Variants in FGF20 observed in about 807,000 individuals in gnomAD.
The protein encoded by FGF20 is fibroblast growth factor 20.
Under a neutral mutation model 16.7 loss-of-function variants are expected in FGF20, and 8 were observed. That is an observed-to-expected ratio of 0.48 (90% CI 0.28 to 0.87). FGF20 has a LOEUF of 0.87. Among genes scored for constraint, FGF20 ranks in the 40% least tolerant of loss-of-function variants. The pLI is 0.10. For missense variants in FGF20, 397 were observed against 281.4 expected, an observed-to-expected ratio of 1.41 and a Z score of -2.94; for synonymous variants, 161 against 118.6, an observed-to-expected ratio of 1.36 and a Z score of -2.32.
At chr8:17,001,246 C>G (rs1810173364) in intron 1 of FGF20, among the ~76,000 whole-genome samples, 1 of 152,186 alleles carries the variant, frequency 6.6e-6, no homozygotes, top group Non-Finnish European at 1.5e-5. Context: ...GCATAATCAG[C>G]TGCATAACTG....
chr8:17,001,647 C>T (rs1331995205), intron 1 of FGF20, 100 bp downstream of exon 1: 9 of 1,325,784 alleles, frequency 6.8e-6, no homozygotes, highest in African/African-American at 3.0e-5. Flanking sequence ...CTCCGCGCGG[C>T]GATGACGCCC....
chr8:16,993,764 C>T (rs549256405), intron 2 of FGF20, among the ~76,000 whole-genome samples: 29 of 152,116 alleles, frequency 1.9e-4, no homozygotes, highest in Admixed American at 2.6e-4. Flanking sequence ...TGGGGGTGAA[C>T]GGATGCAGTG....
At position 16,993,177 on chromosome 8, in the gene FGF20, A is replaced by G; in HGVS notation, c.531T>C (p.Asp177=). The G allele has an allele frequency of 1.2e-6, 2 of 1,614,086 alleles. No individual in the cohort carries two copies. Among genetic ancestry groups the G allele is most frequent in the Non-Finnish European group, 8.5e-7 (1 of 1,180,012 alleles). The change falls in exon 3 of 3, where the codon GAT becomes GAC. Residue 177 remains aspartate (D), a synonymous_variant. Coordinates refer to ENST00000180166, the MANE Select transcript of FGF20 (RefSeq NM_019851.3). The part of the protein sequence containing the change: ...VALNKDGTPR[D]GARSKRHQKF... The stretch of plus-strand genomic sequence containing the variant: ...TCTGATGCCTCTTGGACCTGGCGCC[A>G]TCTCTTGGAGTTCCGTCTTTGTTAA...
rs986242102 is a variant in FGF20 at position 16,995,875 on chromosome 8, T to A, written c.287-117A>T. ...CGGCCATTATTGCCAAATATAATGA[T>A]GTACGTGTAAAAGTCCTTTGTACAC... is the stretch of plus-strand genomic sequence containing the variant. On this transcript the variant is annotated intron_variant, in intron 1 of 2. Coordinates refer to ENST00000180166, the MANE Select transcript of FGF20 (RefSeq NM_019851.3). 1.5e-4 allele frequency: 86 copies of A among 561,580 alleles called. No homozygotes were observed. In the East Asian group the frequency reaches 2.2e-3, roughly 14 times the overall value. 34.8% of individuals were successfully genotyped at this position (561,580 alleles called of 1,614,324 possible). A position where few individuals can be genotyped will look rare whatever the true frequency, so the allele number is the denominator to read the frequency against.
chr8:17,000,637 T>C (rs945199276), intron 1 of FGF20, among the ~76,000 whole-genome samples: 42 of 152,012 alleles, frequency 2.8e-4, no homozygotes, highest in African/African-American at 9.7e-4. Flanking sequence ...GGTTAACTAA[T>C]AGAATGGAAA....
intron 1 of FGF20, 109 bp downstream of exon 1, chr8:17,001,638 T>C: frequency 7.8e-7 from 1 of 1,285,516 alleles, no homozygotes; most frequent in South Asian, 1.7e-5. Flanking sequence ...AGCTCCGGGC[T>C]CCGCGCGGCG....
At chr8:16,999,187 T>A (rs987922833) in intron 1 of FGF20, among the ~76,000 whole-genome samples, 6 of 152,250 alleles carry the variant, frequency 3.9e-5, no homozygotes, top group African/African-American at 1.4e-4. Context: ...ATCTGGGTTA[T>A]CTTCCTTTTG....
chr8:16,993,368 A>G, intron 2 of FGF20, 51 bp from the exon 3 acceptor site: 2 of 1,498,484 alleles, frequency 1.3e-6, no homozygotes, highest in South Asian at 2.6e-5. Flanking sequence ...CTTTGAGATA[A>G]TTTCCTTACA....
At position 17,001,850 on chromosome 8, in the gene FGF20, G is replaced by A. The variant is rs746934075; in HGVS notation, c.183C>T (p.His61=). The change falls in exon 1 of 3, where the codon CAC becomes CAT. Residue 61 remains histidine, a synonymous_variant. Transcript: ENST00000180166. ...AGAGCTGCCGGCGGCGCAGGATGCC[G>A]TGCAGGTGCGCCAGCTGCGCAGCCC... The part of the protein sequence containing the change: ...GPGAAQLAHL[H]GILRRRQLYC... The A allele has an allele frequency of 2.0e-6, 3 of 1,500,466 alleles. No homozygotes were observed. The highest frequency in any genetic ancestry group is 2.9e-5 in the African/African-American group (2 of 69,096). The allele number at this position is 1,500,466 out of a possible 1,614,324, so 92.9% of individuals were successfully genotyped here.
intron 1 of FGF20, among the ~76,000 whole-genome samples, chr8:16,998,197 G>C (rs1028241560): frequency 6.6e-6 from 1 of 152,116 alleles, no homozygotes; most frequent in Non-Finnish European, 1.5e-5. Context: ...AAAATATGTA[G>C]CTGTAGAAAG....
At chr8:16,996,733 T>G (rs11986824) in intron 1 of FGF20, among the ~76,000 whole-genome samples, 1 of 152,022 alleles carries the variant, frequency 6.6e-6, no homozygotes, top group African/African-American at 2.4e-5. Flanking sequence ...AACAAGCCCT[T>G]AAAATAAATA....
At position 16,992,993 on chromosome 8, in the gene FGF20, G is replaced by T; in HGVS notation, c.*79C>A. On this transcript the variant is annotated 3_prime_UTR_variant, in exon 3 of 3. Transcript: ENST00000180166. ...ACTTTAATATTTTGAACGTCTCCTT[G>T]GGTCATTATTTTATGATGGGAACTA... The T allele has an allele frequency of 1.4e-6, 2 of 1,472,974 alleles. No individual in the cohort carries two copies. The highest frequency in any genetic ancestry group is 2.3e-5 in the East Asian group (1 of 43,740). 91.2% of individuals were successfully genotyped at this position (1,472,974 alleles called of 1,614,324 possible).
intron 2 of FGF20, among the ~76,000 whole-genome samples, chr8:16,995,220 C>T (rs568579277): frequency 2.6e-5 from 4 of 152,174 alleles, no homozygotes; most frequent in South Asian, 2.1e-4. Context: ...ACTTTACTCA[C>T]TTATTTCTTA....
In FGF20 at chr8:16,993,082, A is replaced by C. The variant is rs1319650178; in HGVS notation, c.626T>G (p.Met209Arg). Reference sequence around the variant, plus strand: ...TGTCACTATCGCACTTCAAGTGTACATCAGTAGGTCCTTGTACAATTCTGG... The same window carrying C: ...TGTCACTATCGCACTTCAAGTGTACCTCAGTAGGTCCTTGTACAATTCTGG... ...RVPELYKDLL[M>R]YT Residue 209 changes from methionine (M) to arginine (R), a missense_variant, in exon 3 of 3, where the codon ATG becomes AGG. Coordinates refer to ENST00000180166, the MANE Select transcript of FGF20 (RefSeq NM_019851.3). 6.2e-7 allele frequency: 1 copy of C among 1,614,006 alleles called. No homozygotes were observed.
At chr8:16,996,949 G>A (rs187999988) in intron 1 of FGF20, among the ~76,000 whole-genome samples, 54 of 152,274 alleles carry the variant, frequency 3.5e-4, no homozygotes, top group Admixed American at 1.6e-3. Flanking sequence ...TATATAACAT[G>A]CTATGTTTCC....
chr8:16,996,136 C>G (rs1810038725), intron 1 of FGF20, among the ~76,000 whole-genome samples: 2 of 152,038 alleles, frequency 1.3e-5, no homozygotes, highest in Non-Finnish European at 2.9e-5. Flanking sequence ...AGATGGGGGC[C>G]TGTTAACAGG....
intron 1 of FGF20, among the ~76,000 whole-genome samples, chr8:16,999,662 C>A (rs1273392951): frequency 6.7e-6 from 1 of 149,920 alleles, no homozygotes; most frequent in Non-Finnish European, 1.5e-5. Context: ...GCTGGGATTA[C>A]AGGTGCCCAC....
At chr8:16,993,862 G>A (rs549786567) in intron 2 of FGF20, among the ~76,000 whole-genome samples, 2 of 152,220 alleles carry the variant, frequency 1.3e-5, no homozygotes, top group Admixed American at 1.3e-4. Flanking sequence ...ATGCTCCTAT[G>A]AGAATTTAAT....
chr8:17,000,251 T>C (rs766282692), intron 1 of FGF20, among the ~76,000 whole-genome samples: 3 of 152,164 alleles, frequency 2.0e-5, no homozygotes, highest in East Asian at 3.9e-4. Context: ...TGATAGTCAA[T>C]GGGAATTTGG....
Sources: gnomAD v4.1 joint callset for allele counts (sites outside exome capture counted in the v4.1 genomes callset) on GRCh38, gnomAD v4.1.1 for gene constraint, MANE v1.5 for transcripts, NCBI Gene and HGNC (gene_info 2026-07-23, HGNC 2026-07-21) for gene names.